ERC2: variants seen among roughly 807,000 people sequenced by gnomAD.
The protein encoded by ERC2 is ERC protein 2.
In ERC2, 42 loss-of-function variants were observed where a neutral mutation model predicts 114.8. That is an observed-to-expected ratio of 0.37 (90% CI 0.29 to 0.47). ERC2 has a LOEUF of 0.47. ERC2 is among the 20% of genes least tolerant of loss of function. The pLI is 0.99. For synonymous variants in ERC2, 454 were observed against 425.5 expected (o/e 1.07, Z -0.82); for missense variants, 939 against 1,150.7 (o/e 0.82, Z 2.66).
At chr3:56,252,434 T>C (rs186362443) in intron 3 of ERC2, among the ~76,000 whole-genome samples, 141 of 152,162 alleles carry the variant, frequency 9.3e-4, no homozygotes, top group African/African-American at 3.2e-3. Flanking sequence ...AAAACCAAAG[T>C]ATTACGCATA....
chr3:56,292,856 G>C (rs56278986), intron 3 of ERC2, among the ~76,000 whole-genome samples: 2 of 152,162 alleles, frequency 1.3e-5, no homozygotes, highest in African/African-American at 4.8e-5. Context: ...AGTTCATACT[G>C]TCACCCCCTC....
intron 4 of ERC2, among the ~76,000 whole-genome samples, chr3:56,165,333 A>C (rs1446165814): frequency 6.6e-6 from 1 of 151,436 alleles, no homozygotes; most frequent in Non-Finnish European, 1.5e-5. Flanking sequence ...TTTTTTTATT[A>C]TTATACTTTA....
At chr3:56,025,247 C>A (rs1480423682) in intron 7 of ERC2, among the ~76,000 whole-genome samples, 2 of 152,176 alleles carry the variant, frequency 1.3e-5, no homozygotes, top group African/African-American at 4.8e-5. Context: ...TGGATTTAAA[C>A]ACAAAGATTT....
chr3:55,520,918 G>A (rs896040906), intron 17 of ERC2, among the ~76,000 whole-genome samples: 1 of 152,172 alleles, frequency 6.6e-6, no homozygotes, highest in Non-Finnish European at 1.5e-5. Flanking sequence ...TGTCATGTTC[G>A]GGAAAGAGAT....
At chr3:55,558,652 A>C (rs1037654847) in intron 17 of ERC2, among the ~76,000 whole-genome samples, 2 of 152,224 alleles carry the variant, frequency 1.3e-5, no homozygotes, top group Non-Finnish European at 2.9e-5. Flanking sequence ...ACAGTTACAG[A>C]GAGGTTTCTG....
intron 3 of ERC2, among the ~76,000 whole-genome samples, chr3:56,213,903 T>A (rs2049260810): frequency 6.6e-6 from 1 of 152,072 alleles, no homozygotes; most frequent in East Asian, 1.9e-4. Context: ...GGGTCTAGAG[T>A]GGACCTCCAG....
At chr3:56,044,573 CA>C (rs2075367190) in intron 7 of ERC2, among the ~76,000 whole-genome samples, 1 of 152,000 alleles carries the variant, frequency 6.6e-6, no homozygotes, top group African/African-American at 2.4e-5. Context: ...TGTAGCACTT[CA>C]GTACTCAAGA....
rs1026027896 is a variant in ERC2, at chr3:55,799,337, C to T, written c.2565-64419G>A. Among the ~76,000 whole-genome samples, 7 of 144,316 alleles carry T rather than the reference C, an allele frequency of 4.9e-5. No homozygotes were observed. In the East Asian group the frequency reaches 6.1e-4, roughly 12 times the overall value. The allele number at this position is 144,316 out of a possible 152,430, so 94.7% of individuals were successfully genotyped here. On this transcript the variant is annotated intron_variant, in intron 14 of 17. Coordinates refer to ENST00000288221, the MANE Select transcript of ERC2 (RefSeq NM_015576.3). ...TGTGTAGATTTTCCTTCTTTTCCTT[C>T]GGTATTCTTCCAGGACCACAATTCT... is the stretch of plus-strand genomic sequence containing the variant.
At chr3:56,170,982 G>C (rs2082636337) in intron 4 of ERC2, among the ~76,000 whole-genome samples, 1 of 151,904 alleles carries the variant, frequency 6.6e-6, no homozygotes, top group Non-Finnish European at 1.5e-5. Context: ...AGTCAGGATG[G>C]TCTCATCTCC....
rs1419366741 is a variant in ERC2, at chr3:55,955,470, T to A, written c.2268-4910A>T. Among the ~76,000 whole-genome samples the A allele has an allele frequency of 3.3e-5, 5 of 152,228 alleles. No homozygotes were observed. The South Asian group carries it at 6.2e-4, about 19-fold the overall frequency. The stretch of plus-strand genomic sequence containing the variant: ...GATTTCTTTTGTTTACTCTTGAACT[T>A]TATATACATGGAATCATATCGTACA... On this transcript the variant is annotated intron_variant, in intron 12 of 17. Coordinates refer to ENST00000288221, the MANE Select transcript of ERC2 (RefSeq NM_015576.3).
At chr3:56,001,209 T>C (rs371555988) in intron 10 of ERC2, among the ~76,000 whole-genome samples, 389 of 152,034 alleles carry the variant, frequency 2.6e-3, no homozygotes, top group African/African-American at 9.1e-3. Context: ...AACAAAAAGA[T>C]GTCTAGGTGG....
intron 3 of ERC2, among the ~76,000 whole-genome samples, chr3:56,219,615 C>T (rs1359685275): frequency 6.7e-6 from 1 of 148,476 alleles, no homozygotes; most frequent in African/African-American, 2.5e-5. Context: ...AGGTCAGAAA[C>T]TGCCTCTTTA....
chr3:55,584,805 C>A (rs780721849), intron 17 of ERC2, among the ~76,000 whole-genome samples: 1 of 152,176 alleles, frequency 6.6e-6, no homozygotes, highest in Admixed American at 6.5e-5. Context: ...AGGGGAGCAC[C>A]ACCAGCAAAT....
chr3:56,176,935 TC>T (rs2083013016), intron 3 of ERC2, among the ~76,000 whole-genome samples: 1 of 152,146 alleles, frequency 6.6e-6, no homozygotes, highest in African/African-American at 2.4e-5. Context: ...CATAAAAACT[TC>T]CTAACTAGTC....
intron 17 of ERC2, among the ~76,000 whole-genome samples, chr3:55,574,529 T>C (rs1415446583): frequency 6.6e-6 from 1 of 151,738 alleles, no homozygotes; most frequent in East Asian, 1.9e-4. Flanking sequence ...AGAGCTGGGA[T>C]GGGGGGAGAT....
intron 14 of ERC2, among the ~76,000 whole-genome samples, chr3:55,832,269 A>G (rs1030305548): frequency 5.9e-5 from 9 of 152,204 alleles, no homozygotes; most frequent in South Asian, 4.1e-4. Context: ...CTCCCAGCAC[A>G]CAGCTGGAGA....
At chr3:56,118,266 G>C (rs2079361737) in intron 6 of ERC2, among the ~76,000 whole-genome samples, 3 of 152,166 alleles carry the variant, frequency 2.0e-5, no homozygotes, top group African/African-American at 2.4e-5. Flanking sequence ...AATATGAGCA[G>C]GGTCTATAAA....
chr3:55,875,650 T>C (rs1047585053), intron 14 of ERC2, among the ~76,000 whole-genome samples: 2 of 151,190 alleles, frequency 1.3e-5, no homozygotes, highest in African/African-American at 2.4e-5. Flanking sequence ...CCAGGCAAAA[T>C]TGCCAGAGCC....
chr3:56,378,158 C>G (rs1441518756), intron 2 of ERC2, among the ~76,000 whole-genome samples: 2 of 150,814 alleles, frequency 1.3e-5, no homozygotes, highest in Admixed American at 1.3e-4. Context: ...ATAGCAAAGA[C>G]TTGGAACCAA....
Sources: allele counts gnomAD v4.1 joint callset (sites outside exome capture counted in the v4.1 genomes callset), GRCh38; gene constraint gnomAD v4.1.1; transcripts MANE v1.5; gene names NCBI Gene and HGNC (gene_info 2026-07-23, HGNC 2026-07-21).